The following RNF103 variants were observed in gnomAD, a reference collection of about 807,000 sequenced individuals.
The protein encoded by RNF103 is ring finger protein 103, also known as E3 ubiquitin-protein ligase RNF103.
A neutral mutation model predicts 66.2 loss-of-function variants in RNF103; 23 were observed. The ratio of observed to expected loss-of-function variants is 0.35; its 90% confidence interval spans 0.25 to 0.49. RNF103 has a LOEUF of 0.49. RNF103 is among the 20% of genes least tolerant of loss of function. RNF103 has a pLI of 0.98. For synonymous variants in RNF103, 297 were observed against 289.9 expected (o/e 1.02, Z -0.25); for missense variants, 730 against 814.7 (o/e 0.90, Z 1.27).
rs1004462890 is a variant in RNF103, at chr2:86,614,680, CTTTAT to C, written c.367-2411_367-2407del. 59 of 842,972 alleles carry C rather than the reference CTTTAT, an allele frequency of 7.0e-5. 1 individual carries two copies. The Admixed American group carries it at 1.9e-3, about 27-fold the overall frequency. 52.2% of individuals were successfully genotyped at this position (842,972 alleles called of 1,614,324 possible). The stretch of plus-strand genomic sequence containing the variant: ...AAGCAGGCGCCTATTGCCTCTTGTT[CTTTAT>C]TTTATTTTATTTTTATTGCTACCAC... On this transcript the variant is annotated intron_variant, in intron 2 of 3. Transcript: ENST00000237455.
At chr2:86,616,961 A>G (rs949929922) in intron 2 of RNF103, 11 of 985,456 alleles carry the variant, frequency 1.1e-5, no homozygotes, top group Non-Finnish European at 1.2e-5. Flanking sequence ...TTGTAATGCT[A>G]TGAAGACTGG....
At chr2:86,614,917 G>C in intron 2 of RNF103, 21 of 985,396 alleles carry the variant, frequency 2.1e-5, no homozygotes, top group Non-Finnish European at 2.5e-5. Context: ...TTTCAGGTCT[G>C]TGTGCAGAAT....
chr2:86,610,037 T>C (rs1678730476), intron 3 of RNF103, among the ~76,000 whole-genome samples: 1 of 152,190 alleles, frequency 6.6e-6, no homozygotes, highest in Non-Finnish European at 1.5e-5. Flanking sequence ...AAAAGAAAAA[T>C]GACCCTGACT....
Position 86,604,831 on chromosome 2 carries a change from A to C in RNF103, c.1070T>G (p.Ile357Arg). ...GATIKRFVVL[I>R]STLGTYNSLL... is the part of the protein sequence containing the mutation. ...AGAATTATATGTCCCTAAAGTGCTT[A>C]TGAGAACCACAAATCGCTTTATGGT... Residue 357 changes from isoleucine (I) to arginine (R), a missense_variant, in exon 4 of 4, where the codon ATA (isoleucine) becomes AGA (arginine). By Grantham distance (97) the Ile-to-Arg change is moderately conservative (BLOSUM62 -3). Coordinates refer to ENST00000237455, the MANE Select transcript of RNF103 (RefSeq NM_005667.4). 1 of 1,614,194 alleles carries C rather than the reference A, an allele frequency of 6.2e-7. No individual in the cohort carries two copies. The highest frequency in any genetic ancestry group is 8.5e-7 in the Non-Finnish European group (1 of 1,180,028).
In RNF103 at chr2:86,623,050, G is replaced by A. The variant is rs536526115; in HGVS notation, c.-164C>T. The A allele has an allele frequency of 1.1e-4, 143 of 1,332,508 alleles. No homozygotes were observed. The Admixed American group carries it at 1.1e-3, about 11-fold the overall frequency. 82.5% of individuals were successfully genotyped at this position (1,332,508 alleles called of 1,614,324 possible). A position where few individuals can be genotyped will look rare whatever the true frequency, so the allele number is the denominator to read the frequency against. ...GGCCATCCCCGGCGGGGAAGCAGGT[G>A]ACGGGATCCGCGCGGGCGCGAGGCG... On this transcript the variant is annotated 5_prime_UTR_variant, in exon 1 of 4. Coordinates refer to ENST00000237455, the MANE Select transcript of RNF103 (RefSeq NM_005667.4).
intron 3 of RNF103, among the ~76,000 whole-genome samples, chr2:86,609,536 G>A (rs563063615): frequency 1.5e-4 from 23 of 151,994 alleles, no homozygotes; most frequent in Admixed American, 5.2e-4. Flanking sequence ...ACAGGCACCC[G>A]CCACCACGCC....
At chr2:86,617,092 T>G in intron 2 of RNF103, 6 of 985,302 alleles carry the variant, frequency 6.1e-6, no homozygotes, top group Non-Finnish European at 7.2e-6. Flanking sequence ...TGGTTCTACA[T>G]GTATTTCATA....
intron 1 of RNF103, among the ~76,000 whole-genome samples, chr2:86,621,583 A>G (rs1679229357): frequency 6.6e-6 from 1 of 152,222 alleles, no homozygotes; most frequent in South Asian, 2.1e-4. Flanking sequence ...ATAGTGAGAT[A>G]TGAGTTTTAT....
chr2:86,620,540 T>A, intron 1 of RNF103, 71 bp from the exon 2 acceptor site: 1 of 1,432,240 alleles, frequency 7.0e-7, no homozygotes, highest in Non-Finnish European at 9.3e-7. Context: ...GTAATTCTAT[T>A]TTTTACACTG....
At position 86,623,367 on chromosome 2, in the gene RNF103, G is replaced by A. The variant is rs1317132825; in HGVS notation, c.-481C>T. Reference sequence around the variant, plus strand: ...TCCGGGCGGCAGGCCGGGGCCCGAGGGGCCGTGGGGGCCGGACTCCCGCGG... The same window carrying A: ...TCCGGGCGGCAGGCCGGGGCCCGAGAGGCCGTGGGGGCCGGACTCCCGCGG... On this transcript the variant is annotated 5_prime_UTR_variant, in exon 1 of 4. Coordinates refer to ENST00000237455, the MANE Select transcript of RNF103 (RefSeq NM_005667.4). 3 of 980,484 alleles carry A rather than the reference G, an allele frequency of 3.1e-6. No homozygotes were observed. The highest frequency in any genetic ancestry group is 1.8e-5 in the African/African-American group (1 of 56,932). The allele number at this position is 980,484 out of a possible 1,614,324, so 60.7% of individuals were successfully genotyped here. A position where few individuals can be genotyped will look rare whatever the true frequency, so the allele number is the denominator to read the frequency against.
At chr2:86,612,641 A>G (rs1433108399) in intron 2 of RNF103, 2 of 159,168 alleles carry the variant, frequency 1.3e-5, no homozygotes, top group Non-Finnish European at 2.7e-5. Flanking sequence ...TGAAAAGAAA[A>G]TTTTAAACAA....
chr2:86,611,903 A>G (rs1370868050), intron 3 of RNF103, among the ~76,000 whole-genome samples: 3 of 152,202 alleles, frequency 2.0e-5, no homozygotes, highest in South Asian at 4.1e-4. Flanking sequence ...GATATCTTCA[A>G]TAGAAAAAAC....
chr2:86,607,158 G>A (rs1030924907), intron 3 of RNF103, among the ~76,000 whole-genome samples: 3 of 152,028 alleles, frequency 2.0e-5, no homozygotes, highest in South Asian at 4.1e-4. Flanking sequence ...ACATGGAAAC[G>A]TTTTATTTGT....
At chr2:86,620,495 A>T in intron 1 of RNF103, 26 bp from the exon 2 acceptor site, 1 of 1,521,600 alleles carries the variant, frequency 6.6e-7, no homozygotes, top group Non-Finnish European at 8.9e-7. Context: ...GAATAACACT[A>T]ATAAGGTTGC....
chr2:86,622,627 G>A, intron 1 of RNF103, 34 bp downstream of exon 1: 1 of 1,608,406 alleles, frequency 6.2e-7, no homozygotes, highest in Non-Finnish European at 8.5e-7. Flanking sequence ...CCTCTCCCAG[G>A]TGGAGGGGAC....
At chr2:86,612,407 C>T (rs10520428) in intron 2 of RNF103, 133 bp from the exon 3 acceptor site, 43 of 589,858 alleles carry the variant, frequency 7.3e-5, no homozygotes, top group Middle Eastern at 3.1e-4. Context: ...TGTATCATCA[C>T]ATTATCATTA....
At chr2:86,615,106 T>A (rs1678966430) in intron 2 of RNF103, 1 of 985,230 alleles carries the variant, frequency 1.0e-6, no homozygotes, top group Non-Finnish European at 1.2e-6. Flanking sequence ...AGGTACCTCT[T>A]GGTTATAGCA....
Position 86,604,784 on chromosome 2 carries a change from G to T in RNF103, c.1117C>A (p.Pro373Thr). ...GGTAGCTGTAAAAAGCCCAACACAG[G>T]TAGCCAGGAAATAATTAATAGAGAA... ...YNSLLIISWL[P>T]VLGFLQLPYL... is the part of the protein sequence containing the mutation. The change falls in exon 4 of 4, where the codon CCT becomes ACT. Residue 373 changes from proline to threonine, a missense_variant. Coordinates refer to ENST00000237455, the MANE Select transcript of RNF103 (RefSeq NM_005667.4). The T allele has an allele frequency of 6.2e-7, 1 of 1,614,028 alleles. No homozygotes were observed. The highest frequency in any genetic ancestry group is 2.2e-5 in the East Asian group (1 of 44,880).
In RNF103 at chr2:86,622,007, T is replaced by A. The variant is rs13420628; in HGVS notation, c.226+654A>T. ...CCTGTGACACAGAAGACAAAAAAAA[T>A]TTTTCTTTTACACATCCAAGATGCA... On this transcript the variant is annotated intron_variant, in intron 1 of 3. Coordinates refer to ENST00000237455, the MANE Select transcript of RNF103 (RefSeq NM_005667.4). Among the ~76,000 whole-genome samples the A allele has an allele frequency of 3.3e-5, 5 of 151,916 alleles. No homozygotes were observed. The East Asian group carries it at 5.8e-4, about 18-fold the overall frequency.
Sources: allele counts gnomAD v4.1 joint callset (sites outside exome capture counted in the v4.1 genomes callset), GRCh38; gene constraint gnomAD v4.1.1; transcripts MANE v1.5; gene names NCBI Gene and HGNC (gene_info 2026-07-23, HGNC 2026-07-21).